Variants in RPTOR observed in about 807,000 individuals in gnomAD.
The protein encoded by RPTOR is regulatory associated protein of MTOR complex 1.
Under a neutral mutation model 169.9 loss-of-function variants are expected in RPTOR, and 21 were observed. That is an observed-to-expected ratio of 0.12 (90% CI 0.09 to 0.18). RPTOR has a LOEUF of 0.18. RPTOR is among the 10% of genes least tolerant of loss of function. RPTOR has a pLI of 1.00. For synonymous variants in RPTOR, 732 were observed against 753.2 expected, an observed-to-expected ratio of 0.97 and a Z score of 0.46; for missense variants, 1,133 against 1,855.9, an observed-to-expected ratio of 0.61 and a Z score of 7.16.
At chr17:80,581,310 C>G (rs796161036) in intron 1 of RPTOR, among the ~76,000 whole-genome samples, 1 of 152,362 alleles carries the variant, frequency 6.6e-6, no homozygotes, top group African/African-American at 2.4e-5. Context: ...TTCCTTCCCC[C>G]TTTATTTGTC....
At chr17:80,886,591 G>C (rs992483626) in intron 17 of RPTOR, among the ~76,000 whole-genome samples, 2 of 152,258 alleles carry the variant, frequency 1.3e-5, no homozygotes, top group African/African-American at 4.8e-5. Flanking sequence ...TATGAAAATA[G>C]AGAGGACGTT....
intron 11 of RPTOR, among the ~76,000 whole-genome samples, chr17:80,851,984 C>T (rs1438011654): frequency 6.6e-6 from 1 of 152,234 alleles, no homozygotes; most frequent in Non-Finnish European, 1.5e-5. Flanking sequence ...CTGACGATTG[C>T]AGCCATGGCG....
chr17:80,872,703 A>G (rs1040888623), intron 13 of RPTOR, among the ~76,000 whole-genome samples: 1 of 152,226 alleles, frequency 6.6e-6, no homozygotes, highest in African/African-American at 2.4e-5. Flanking sequence ...TCCCAGTTCC[A>G]GGCTCTTTTC....
At chr17:80,848,916 A>G (rs2067762281) in intron 11 of RPTOR, among the ~76,000 whole-genome samples, 1 of 152,244 alleles carries the variant, frequency 6.6e-6, no homozygotes, top group Admixed American at 6.5e-5. Flanking sequence ...ATGCGAAGAC[A>G]GCTCTGGTCG....
At chr17:80,841,568 ATCACTCTCACCGCACGGCAGC>A (rs2067659119) in intron 10 of RPTOR, among the ~76,000 whole-genome samples, 2 of 27,342 alleles carry the variant, frequency 7.3e-5, no homozygotes, top group Admixed American at 3.7e-4. Flanking sequence ...CGCACGGCAG[ATCACTCTCACCGCACGGCAGC>A]TCACTCTCAC....
intron 25 of RPTOR, among the ~76,000 whole-genome samples, chr17:80,944,083 C>T (rs1026691723): frequency 5.3e-5 from 8 of 152,222 alleles, no homozygotes; most frequent in African/African-American, 1.9e-4. Flanking sequence ...TTTTTAGCTT[C>T]CTTTTATGGT....
At chr17:80,917,869 C>A (rs1400507814) in intron 21 of RPTOR, among the ~76,000 whole-genome samples, 1 of 152,168 alleles carries the variant, frequency 6.6e-6, no homozygotes, top group Non-Finnish European at 1.5e-5. Flanking sequence ...CCCATCCCAC[C>A]CCTGCCTGGT....
rs1177647147 is a variant in RPTOR at position 80,724,000 on chromosome 17, T to G, written c.508-6560T>G. Among the ~76,000 whole-genome samples, 4 of 151,498 alleles carry G rather than the reference T, an allele frequency of 2.6e-5. No individual in the cohort carries two copies. In the East Asian group the frequency reaches 7.7e-4, roughly 29 times the overall value. ...AACAAGGCTAAGCAGGGATGTTTAG[T>G]TTCTGCAAGAGGTAACTTATGTTTG... On this transcript the variant is annotated intron_variant, in intron 4 of 33. Coordinates refer to ENST00000306801, the MANE Select transcript of RPTOR (RefSeq NM_020761.3).
intron 1 of RPTOR, among the ~76,000 whole-genome samples, chr17:80,559,699 A>G (rs1385712990): frequency 1.3e-5 from 2 of 152,124 alleles, no homozygotes; most frequent in Non-Finnish European, 2.9e-5. Context: ...TCACCATGAT[A>G]TGTTCAGCCC....
intron 5 of RPTOR, among the ~76,000 whole-genome samples, chr17:80,743,776 CTA>C (rs2066514625): frequency 8.2e-6 from 1 of 122,652 alleles, no homozygotes; most frequent in African/African-American, 3.1e-5. Context: ...CTCCTGGTTA[CTA>C]GCAGAGCCCT....
At position 80,823,217 on chromosome 17, in the gene RPTOR, C is replaced by T; in HGVS notation, c.1130C>T (p.Ala377Val). Residue 377 changes from alanine to valine, a missense_variant, in exon 9 of 34, where the codon GCC (alanine) becomes GTC (valine). Around this residue, in one of 9 missense-constraint regions of RPTOR, gnomAD observed 289 missense variants for 585.8 expected, o/e 0.49. Coordinates refer to ENST00000306801, the MANE Select transcript of RPTOR (RefSeq NM_020761.3). The surrounding 1 kb of genome is among the most constrained non-coding windows in gnomAD (Gnocchi z 4.5). ...CGTCTGCCGCCCACGTACATGCACG[C>T]CATGTGGTGAGTGTTTCAGGATCCT... is the stretch of plus-strand genomic sequence containing the variant. ...SPRLPPTYMH[A>V]MWQAWDLAVD... 1 of 1,613,886 alleles carries T rather than the reference C, an allele frequency of 6.2e-7. No homozygotes were observed. Among genetic ancestry groups the T allele is most frequent in the African/African-American group, 1.3e-5 (1 of 75,034 alleles).
At chr17:80,792,952 G>A (rs12953234) in intron 7 of RPTOR, among the ~76,000 whole-genome samples, 83,167 of 151,830 alleles carry the variant, frequency 0.55, 24,093 homozygotes, top group East Asian at 0.73. Context: ...CCAAAATCAG[G>A]AATGCATCAA....
intron 13 of RPTOR, among the ~76,000 whole-genome samples, chr17:80,879,135 G>T (rs918390863): frequency 2.1e-4 from 32 of 152,162 alleles, no homozygotes; most frequent in African/African-American, 7.5e-4. Context: ...CTCAGCTGCA[G>T]TGTGCCCCAC....
chr17:80,614,357 GA>G (rs1006956003), intron 1 of RPTOR, among the ~76,000 whole-genome samples: 25 of 152,110 alleles, frequency 1.6e-4, no homozygotes, highest in East Asian at 1.5e-3. Context: ...ATTTTCTAAA[GA>G]AAAAAAATCC....
chr17:80,848,673 A>G (rs1298259472), intron 11 of RPTOR, among the ~76,000 whole-genome samples: 1 of 152,224 alleles, frequency 6.6e-6, no homozygotes, highest in Non-Finnish European at 1.5e-5. Context: ...GTCCCTCAGG[A>G]GACACTGGCT....
intron 3 of RPTOR, among the ~76,000 whole-genome samples, chr17:80,675,864 A>G (rs1022511214): frequency 6.6e-5 from 10 of 152,166 alleles, no homozygotes; most frequent in Non-Finnish European, 1.2e-4. Flanking sequence ...ATTGCTGGAC[A>G]TTTTGTGCTT....
chr17:80,672,366 CTTTT>C (rs61114947), intron 3 of RPTOR, among the ~76,000 whole-genome samples: 3 of 133,308 alleles, frequency 2.3e-5, no homozygotes, highest in Admixed American at 7.6e-5. Context: ...TGCAAAGGTT[CTTTT>C]TTTTTTTTTT....
At chr17:80,589,086 C>A (rs2065084635) in intron 1 of RPTOR, among the ~76,000 whole-genome samples, 1 of 152,142 alleles carries the variant, frequency 6.6e-6, no homozygotes, top group Non-Finnish European at 1.5e-5. Flanking sequence ...CAGGGCAGTC[C>A]TAGGGATGAA....
intron 13 of RPTOR, among the ~76,000 whole-genome samples, chr17:80,869,863 G>T (rs1351710263): frequency 6.6e-6 from 1 of 152,194 alleles, no homozygotes. Context: ...TTTTGAAATT[G>T]TCCTTAGGGT....
Sources: gnomAD v4.1 joint callset for allele counts (sites outside exome capture counted in the v4.1 genomes callset) on GRCh38, gnomAD v4.1.1 for gene constraint, gnomAD v4.1.1 regional missense constraint, Gnocchi (gnomAD v3.1) non-coding constraint, MANE v1.5 for transcripts, NCBI Gene and HGNC (gene_info 2026-07-23, HGNC 2026-07-21) for gene names.